The following AXDND1 variants were observed in gnomAD, a reference collection of about 807,000 sequenced individuals.
The protein encoded by AXDND1 is axonemal dynein light chain domain-containing protein 1.
AXDND1 carries 110 observed loss-of-function variants against 137.5 expected under a neutral mutation model. That is an observed-to-expected ratio of 0.80 (90% CI 0.69 to 0.94). The LOEUF (loss-of-function observed/expected upper bound fraction) is 0.94, where lower values mean the gene tolerates loss of function less well. Ranked by LOEUF, AXDND1 falls within the 40% of genes least tolerant of loss-of-function variation. The pLI, the probability that AXDND1 is intolerant of heterozygous loss-of-function variation, is 0.00. For synonymous variants in AXDND1, 414 were observed against 399.7 expected (o/e 1.04, Z -0.43); for missense variants, 1,191 against 1,169.8 (o/e 1.02, Z -0.26).
intron 16 of AXDND1, among the ~76,000 whole-genome samples, chr1:179,466,088 G>C (rs978832229): frequency 1.2e-4 from 19 of 152,014 alleles, no homozygotes; most frequent in African/African-American, 4.3e-4. Context: ...GCAATGCCCC[G>C]CCCTGCTTCA....
intron 12 of AXDND1, among the ~76,000 whole-genome samples, chr1:179,416,488 CTCCA>C (rs2125243674): frequency 6.6e-6 from 1 of 152,206 alleles, no homozygotes; most frequent in South Asian, 2.1e-4. Context: ...TTTGAGGAAC[CTCCA>C]TAATGTTCTC....
chr1:179,552,379 C>A, intron 25 of AXDND1: 1 of 596,944 alleles, frequency 1.7e-6, no homozygotes, highest in Admixed American at 2.5e-5. Context: ...GAGACTCAAG[C>A]AGTGAGTGGT....
At chr1:179,497,522 C>G (rs1209895527) in intron 20 of AXDND1, among the ~76,000 whole-genome samples, 1 of 152,086 alleles carries the variant, frequency 6.6e-6, no homozygotes, top group Non-Finnish European at 1.5e-5. Flanking sequence ...TAATAAGAGC[C>G]ATCTATGACA....
chr1:179,470,731 A>G (rs568582641), intron 17 of AXDND1, among the ~76,000 whole-genome samples: 28 of 152,248 alleles, frequency 1.8e-4, no homozygotes, highest in Middle Eastern at 3.4e-3. Context: ...AAATACAAGT[A>G]GTTTCTTTTT....
At chr1:179,525,700 A>G (rs1011435450) in intron 22 of AXDND1, among the ~76,000 whole-genome samples, 4 of 151,982 alleles carry the variant, frequency 2.6e-5, no homozygotes, top group African/African-American at 4.8e-5. Flanking sequence ...GGATCTTGCT[A>G]TGCCCAGGCT....
intron 21 of AXDND1, among the ~76,000 whole-genome samples, chr1:179,513,821 T>C (rs1340886120): frequency 6.6e-6 from 1 of 151,990 alleles, no homozygotes. Context: ...AATTTATCCA[T>C]CTCTTCTAGG....
intron 9 of AXDND1, among the ~76,000 whole-genome samples, chr1:179,391,433 A>C (rs1386659295): frequency 6.6e-6 from 1 of 152,024 alleles, no homozygotes; most frequent in Non-Finnish European, 1.5e-5. Context: ...GACCAGGTAG[A>C]GATGGTTGAG....
At chr1:179,412,706 A>G (rs900188701) in intron 12 of AXDND1, among the ~76,000 whole-genome samples, 1 of 152,232 alleles carries the variant, frequency 6.6e-6, no homozygotes, top group African/African-American at 2.4e-5. Context: ...TGGAGATCCT[A>G]ATTCAGTAAT....
At chr1:179,499,100 A>T (rs935227708) in intron 20 of AXDND1, among the ~76,000 whole-genome samples, 2 of 152,160 alleles carry the variant, frequency 1.3e-5, no homozygotes, top group Non-Finnish European at 2.9e-5. Flanking sequence ...AAGAAAATAA[A>T]TCATTCTACC....
At chr1:179,464,478 A>G (rs1232279645) in intron 16 of AXDND1, among the ~76,000 whole-genome samples, 3 of 152,176 alleles carry the variant, frequency 2.0e-5, no homozygotes, top group African/African-American at 4.8e-5. Context: ...TTCTGCCAAG[A>G]GATCCGCTTT....
chr1:179,488,663 CTTTCTTT>C (rs1666444674), intron 18 of AXDND1, among the ~76,000 whole-genome samples: 1 of 126,944 alleles, frequency 7.9e-6, no homozygotes, highest in Non-Finnish European at 1.6e-5. Flanking sequence ...TTCTTTCTTT[CTTTCTTT>C]CTTTCTTTCT....
At chr1:179,516,519 T>C (rs2125660316) in intron 21 of AXDND1, among the ~76,000 whole-genome samples, 1 of 152,316 alleles carries the variant, frequency 6.6e-6, no homozygotes, top group East Asian at 1.9e-4. Context: ...TCTGGGGGTG[T>C]TAAAGAGCCT....
chr1:179,367,957 C>T (rs1477198711), intron 2 of AXDND1, among the ~76,000 whole-genome samples: 1 of 151,202 alleles, frequency 6.6e-6, no homozygotes, highest in Non-Finnish European at 1.5e-5. Context: ...ACTAAAACCC[C>T]AAGCCCCACC....
chr1:179,480,987 TA>T (rs1247623973), intron 17 of AXDND1, among the ~76,000 whole-genome samples: 3 of 115,884 alleles, frequency 2.6e-5, no homozygotes, highest in South Asian at 3.7e-4. Context: ...TTATTTTATA[TA>T]TTTTTTTAAT....
chr1:179,411,508 C>T (rs2125223705), intron 12 of AXDND1, among the ~76,000 whole-genome samples: 1 of 151,908 alleles, frequency 6.6e-6, no homozygotes, highest in African/African-American at 2.4e-5. Context: ...CCACACCCGG[C>T]CTGTTTTGCA....
intron 16 of AXDND1, chr1:179,456,870 T>C: frequency 1.2e-6 from 1 of 849,352 alleles, no homozygotes; most frequent in Non-Finnish European, 2.0e-6. Context: ...ATCCATGGAG[T>C]TATGATTGTC....
At chr1:179,427,144 A>G (rs1656691197) in intron 12 of AXDND1, among the ~76,000 whole-genome samples, 2 of 151,768 alleles carry the variant, frequency 1.3e-5, no homozygotes, top group Admixed American at 6.6e-5. Context: ...AGCCTGGGCC[A>G]TAGAGTGAGG....
intron 11 of AXDND1, among the ~76,000 whole-genome samples, chr1:179,397,952 T>A (rs1371387295): frequency 6.6e-6 from 1 of 152,222 alleles, no homozygotes; most frequent in Non-Finnish European, 1.5e-5. Context: ...ATCTTAATGA[T>A]CTTCATTCCT....
chr1:179,488,457 G>A lies in AXDND1; in HGVS notation c.2092-3081G>A, dbSNP rs530595837. The stretch of plus-strand genomic sequence containing the variant: ...GTTTGGTTGGTTTTTATAGAGATGG[G>A]GTTTCACCAAATTGCCCAGGCTGGT... On this transcript the variant is annotated intron_variant, in intron 18 of 25. Coordinates refer to ENST00000367618, the MANE Select transcript of AXDND1 (RefSeq NM_144696.6). Among the ~76,000 whole-genome samples the A allele has an allele frequency of 4.7e-5, 7 of 147,820 alleles. No individual in the cohort carries two copies. In the South Asian group the frequency reaches 1.5e-3, roughly 31 times the overall value.
Sources: gnomAD v4.1 joint callset for allele counts (sites outside exome capture counted in the v4.1 genomes callset) on GRCh38, gnomAD v4.1.1 for gene constraint, MANE v1.5 for transcripts, NCBI Gene and HGNC (gene_info 2026-07-23, HGNC 2026-07-21) for gene names.